The following MMP26 variants were observed in gnomAD, a reference collection of about 807,000 sequenced individuals.
MMP26 encodes matrix metallopeptidase 26, also known as matrix metalloproteinase-26.
In MMP26, 33 loss-of-function variants were observed where a neutral mutation model predicts 31.0. The ratio of observed to expected loss-of-function variants is 1.06; its 90% CI spans 0.81 to 1.42. The LOEUF (loss-of-function observed/expected upper bound fraction) is 1.42, where lower values mean the gene tolerates loss of function less well. Ranked by LOEUF, MMP26 falls within the 40% of genes most tolerant of loss-of-function variation. The probability of loss-of-function intolerance (pLI) is 0.00; values close to 1 mark genes in which losing one functional copy is unlikely to be tolerated. For synonymous variants in MMP26, 122 were observed against 114.9 expected, an observed-to-expected ratio of 1.06 and a Z score of -0.40; for missense variants, 347 against 316.1, an observed-to-expected ratio of 1.10 and a Z score of -0.74.
intron 2 of MMP26, among the ~76,000 whole-genome samples, chr11:4,776,180 T>C (rs1848788996): frequency 6.6e-6 from 1 of 152,200 alleles, no homozygotes. Context: ...CCACATTTTC[T>C]TAATCTAGTC....
At chr11:4,845,714 C>G (rs1849857814) in intron 2 of MMP26, among the ~76,000 whole-genome samples, 2 of 152,100 alleles carry the variant, frequency 1.3e-5, no homozygotes, top group Non-Finnish European at 2.9e-5. Context: ...GGATTAATAA[C>G]TAGAATATAT....
intron 2 of MMP26, among the ~76,000 whole-genome samples, chr11:4,952,969 C>A (rs1190523306): frequency 8.1e-6 from 1 of 123,682 alleles, no homozygotes; most frequent in Non-Finnish European, 1.8e-5. Context: ...GAGACTTGAA[C>A]TGGCATGGTT....
chr11:4,923,314 G>T, intron 2 of MMP26: 1 of 1,497,354 alleles, frequency 6.7e-7, no homozygotes, highest in Non-Finnish European at 8.9e-7. Flanking sequence ...CCACAGCACA[G>T]CTGAAAACAA....
chr11:4,750,535 G>T (rs965448934), intron 1 of MMP26, among the ~76,000 whole-genome samples: 57 of 152,068 alleles, frequency 3.7e-4, no homozygotes, highest in African/African-American at 1.3e-3. Context: ...TCCAACAGTG[G>T]ATGACTGGAT....
At chr11:4,762,408 T>C (rs1848579126) in intron 1 of MMP26, among the ~76,000 whole-genome samples, 1 of 152,124 alleles carries the variant, frequency 6.6e-6, no homozygotes, top group Non-Finnish European at 1.5e-5. Context: ...TCACAATATT[T>C]TGATGTAGAG....
At chr11:4,735,048 G>T (rs1327041623) in intron 1 of MMP26, among the ~76,000 whole-genome samples, 1 of 152,198 alleles carries the variant, frequency 6.6e-6, no homozygotes, top group Non-Finnish European at 1.5e-5. Context: ...AGACATATTG[G>T]TGGTCTGGAC....
intron 2 of MMP26, chr11:4,915,447 G>A: frequency 6.2e-7 from 1 of 1,614,128 alleles, no homozygotes; most frequent in South Asian, 1.1e-5. Context: ...AGGTCAATCA[G>A]AGCCAGCATG....
chr11:4,805,433 TAACCATAGTCAAC>T (rs1849254080), intron 2 of MMP26, among the ~76,000 whole-genome samples: 1 of 152,240 alleles, frequency 6.6e-6, no homozygotes, highest in Non-Finnish European at 1.5e-5. Flanking sequence ...AGTGTGAAAG[TAACCATAGTCAAC>T]ACATAAATGT....
rs116061182 is a variant in MMP26, at chr11:4,814,698, A to G, written c.-145+47357A>G. Among the ~76,000 whole-genome samples, 219 of 152,318 alleles carry G rather than the reference A, an allele frequency of 1.4e-3. 2 individuals carry two copies. The highest frequency in any genetic ancestry group is 5.2e-3 in the African/African-American group (216 of 41,580). On this transcript the variant is annotated intron_variant, in intron 2 of 7. Transcript: ENST00000380390. The stretch of plus-strand genomic sequence containing the variant: ...TTAAAGGGTTAATCTAATACAGTGG[A>G]TAAAACTACTGGCTCTGTAGCCAGC...
chr11:4,737,575 G>A (rs756161164), intron 1 of MMP26, among the ~76,000 whole-genome samples: 18 of 152,144 alleles, frequency 1.2e-4, no homozygotes, highest in Non-Finnish European at 2.2e-4. Flanking sequence ...CCCGGGAGGC[G>A]GAGGTTGCGG....
At chr11:4,794,379 T>C (rs1487083349) in intron 2 of MMP26, 1 of 152,208 alleles carries the variant, frequency 6.6e-6, no homozygotes, top group Non-Finnish European at 1.5e-5. Context: ...TGAGCAGGCA[T>C]ACCTGGTACA....
intron 2 of MMP26, among the ~76,000 whole-genome samples, chr11:4,790,414 A>G (rs1460555310): frequency 1.3e-5 from 2 of 152,218 alleles, no homozygotes; most frequent in Non-Finnish European, 2.9e-5. Flanking sequence ...GGAAAAACTC[A>G]GCATATTTAT....
At chr11:4,908,345 A>T (rs1381040414) in intron 2 of MMP26, 1 of 1,550,098 alleles carries the variant, frequency 6.5e-7, no homozygotes, top group South Asian at 1.1e-5. Flanking sequence ...ATCAACCAGT[A>T]GGCATTTACT....
intron 2 of MMP26, chr11:4,946,197 C>T (rs374255224): frequency 1.9e-6 from 3 of 1,613,870 alleles, no homozygotes; most frequent in Non-Finnish European, 2.5e-6. Flanking sequence ...ACAACTCTCA[C>T]TCTAATCTGT....
rs999511182 is a variant in MMP26, at chr11:4,990,259, A to C, written c.321-339A>C. On this transcript the variant is annotated intron_variant, in intron 4 of 7. Transcript: ENST00000380390. ...AATTATGTAGAATGCTATACATTTT[A>C]ATTTATGTAGAATGCTGTATATTTA... 5.9e-5 allele frequency among the ~76,000 whole-genome samples: 9 copies of C among 152,190 alleles called. No homozygotes were observed. The East Asian group carries it at 1.5e-3, about 26-fold the overall frequency.
At chr11:4,773,596 T>G (rs199920988) in intron 2 of MMP26, among the ~76,000 whole-genome samples, 12 of 68,940 alleles carry the variant, frequency 1.7e-4, no homozygotes, top group African/African-American at 4.7e-4. Flanking sequence ...GTTTGTGGGG[T>G]TTTTTTTTTT....
rs527920447 is a variant in MMP26 at position 4,977,437 on chromosome 11, T to G, written c.-144-10631T>G. Among the ~76,000 whole-genome samples, 116 of 152,106 alleles carry G rather than the reference T, an allele frequency of 7.6e-4. 1 individual carries two copies. The highest frequency in any genetic ancestry group is 1.3e-3 in the Non-Finnish European group (88 of 68,006). On this transcript the variant is annotated intron_variant, in intron 2 of 7. Coordinates refer to ENST00000380390, the MANE Select transcript of MMP26 (RefSeq NM_021801.5). Reference sequence around the variant, plus strand: ...CAACCTATTGACGGGCCATTGGATGTAGTCTTTAAATGGGAGGGGTCATGA... The same window carrying G: ...CAACCTATTGACGGGCCATTGGATGGAGTCTTTAAATGGGAGGGGTCATGA...
At chr11:4,921,157 T>C (rs1173349853) in intron 2 of MMP26, among the ~76,000 whole-genome samples, 2 of 152,204 alleles carry the variant, frequency 1.3e-5, no homozygotes, top group Non-Finnish European at 2.9e-5. Context: ...TTTTATATTC[T>C]TGTGACAAGT....
At chr11:4,831,690 C>T (rs915650914) in intron 2 of MMP26, among the ~76,000 whole-genome samples, 3 of 152,232 alleles carry the variant, frequency 2.0e-5, no homozygotes, top group East Asian at 1.9e-4. Context: ...TTAGGTCTCC[C>T]TTAAGTGCTG....
Sources: gnomAD v4.1 joint callset for allele counts (sites outside exome capture counted in the v4.1 genomes callset) on GRCh38, gnomAD v4.1.1 for gene constraint, MANE v1.5 for transcripts, NCBI Gene and HGNC (gene_info 2026-07-23, HGNC 2026-07-21) for gene names.